Variants in TMEM154 observed in about 807,000 individuals in gnomAD.
TMEM154 encodes the protein transmembrane protein 154.
TMEM154 carries 27 observed loss-of-function variants against 24.5 expected under a neutral mutation model. That is an observed-to-expected ratio of 1.10 (90% CI 0.81 to 1.52). The LOEUF is 1.52. Ranked by LOEUF, TMEM154 falls within the 40% of genes most tolerant of loss-of-function variation. TMEM154 has a pLI of 0.00. For synonymous variants in TMEM154, 67 were observed against 76.8 expected (o/e 0.87, Z 0.67); for missense variants, 228 against 213.4 (o/e 1.07, Z -0.43).
chr4:152,669,178 T>G (rs377003297), intron 1 of TMEM154: 43 of 151,648 alleles, frequency 2.8e-4, no homozygotes, highest in African/African-American at 9.8e-4. Context: ...CCTGGTTTTA[T>G]TCTATGTAAT....
At chr4:152,658,258 C>A (rs1163088826) in intron 1 of TMEM154, among the ~76,000 whole-genome samples, 1 of 152,080 alleles carries the variant, frequency 6.6e-6, no homozygotes, top group East Asian at 1.9e-4. Context: ...TGGAAACACA[C>A]CATGCTAAAA....
chr4:152,659,208 G>A (rs1432599689), intron 1 of TMEM154, among the ~76,000 whole-genome samples: 1 of 152,204 alleles, frequency 6.6e-6, no homozygotes, highest in African/African-American at 2.4e-5. Context: ...CATGTCTTAT[G>A]CTGCAACATA....
rs1041154115 is a variant in TMEM154, at chr4:152,620,202, C to T, written c.*8344G>A. On this transcript the variant is annotated 3_prime_UTR_variant, in exon 7 of 7. Transcript: ENST00000304385. ...TGTCTCTAACTTGAGAGTCCCTGGA[C>T]ATGCCTCTCCACTGCAACCTTAAAG... is the stretch of plus-strand genomic sequence containing the variant. The T allele has an allele frequency of 1.3e-5, 2 of 152,214 alleles. No homozygotes were observed. The highest frequency in any genetic ancestry group is 2.9e-5 in the Non-Finnish European group (2 of 68,020). The allele number at this position is 152,214 out of a possible 1,614,324, so 9.4% of individuals were successfully genotyped here.
At chr4:152,670,812 G>A (rs1347171668) in intron 1 of TMEM154, among the ~76,000 whole-genome samples, 1 of 152,118 alleles carries the variant, frequency 6.6e-6, no homozygotes, top group Admixed American at 6.6e-5. Flanking sequence ...CATTCATTGA[G>A]TCAGCCACTA....
At chr4:152,663,659 A>C (rs376649418) in intron 1 of TMEM154, among the ~76,000 whole-genome samples, 2 of 152,232 alleles carry the variant, frequency 1.3e-5, no homozygotes, top group African/African-American at 4.8e-5. Flanking sequence ...TCTCCGTTTC[A>C]CCAGTTCTCT....
chr4:152,650,382 C>A (rs1012916135), intron 3 of TMEM154, among the ~76,000 whole-genome samples: 9 of 150,208 alleles, frequency 6.0e-5, no homozygotes, highest in African/African-American at 2.0e-4. Flanking sequence ...AAAAAAAAAA[C>A]AAAACTCTTT....
chr4:152,653,043 C>T, intron 1 of TMEM154, 116 bp from the exon 2 acceptor site: 3 of 1,098,474 alleles, frequency 2.7e-6, no homozygotes, highest in Non-Finnish European at 3.8e-6. Flanking sequence ...ACCCACTATA[C>T]TTGGCCTCCA....
At chr4:152,676,854 C>A (rs1400125574) in intron 1 of TMEM154, among the ~76,000 whole-genome samples, 1 of 152,156 alleles carries the variant, frequency 6.6e-6, no homozygotes, top group Non-Finnish European at 1.5e-5. Flanking sequence ...TCTGTTTGGC[C>A]ACCAAAACAG....
At chr4:152,662,212 G>T (rs1013371597) in intron 1 of TMEM154, among the ~76,000 whole-genome samples, 1 of 151,920 alleles carries the variant, frequency 6.6e-6, no homozygotes, top group Non-Finnish European at 1.5e-5. Flanking sequence ...GGTGTTAGGT[G>T]CAGGGTAAGA....
rs772573656 is a variant in TMEM154, at chr4:152,652,675, G to T, written c.317C>A (p.Thr106Asn). 2.5e-6 allele frequency: 4 copies of T among 1,613,252 alleles called. No individual in the cohort carries two copies. The highest frequency in any genetic ancestry group is 3.4e-6 in the Non-Finnish European group (4 of 1,179,740). Residue 106 changes from threonine to asparagine, a missense_variant, in exon 2 of 7, where the codon ACT becomes AAT. Thr to Asn is a moderately conservative substitution (Grantham distance 65). Transcript: ENST00000304385. ...FLATYYKRKR[T>N]KQEPSSQGSQ... Reference sequence around the variant, plus strand: ...ATACACCAAATATTTACCTTGTTTAGTTCTTTTTCTTTTATAGTATGTTGC... The same window carrying T: ...ATACACCAAATATTTACCTTGTTTATTTCTTTTTCTTTTATAGTATGTTGC...
rs1340057148 is a variant in TMEM154 at position 152,677,305 on chromosome 4, A to G, written c.64+2565T>C. On this transcript the variant is annotated intron_variant, in intron 1 of 6. Transcript: ENST00000304385. ...GAGGTAACAGTGCTGGTCTCATGCA[A>G]CTGCAGATATTATCTCATGTTGCCT... Among the ~76,000 whole-genome samples the G allele has an allele frequency of 2.8e-4, 42 of 152,200 alleles. 1 individual carries two copies. The highest frequency in any genetic ancestry group is 2.7e-3 in the Admixed American group (42 of 15,278).
At chr4:152,674,124 AT>A (rs1561059656) in intron 1 of TMEM154, among the ~76,000 whole-genome samples, 1 of 152,148 alleles carries the variant, frequency 6.6e-6, no homozygotes, top group Non-Finnish European at 1.5e-5. Context: ...AAGCAAGAAA[AT>A]ACCTAAGGCT....
chr4:152,679,320 GGGCT>G (rs1474604642), intron 1 of TMEM154, among the ~76,000 whole-genome samples: 2 of 150,624 alleles, frequency 1.3e-5, no homozygotes, highest in Non-Finnish European at 3.0e-5. Context: ...ATGTGTTAGA[GGGCT>G]ACCCTCTAAC....
Position 152,626,385 on chromosome 4 carries a change from T to G in TMEM154, c.*2161A>C, listed in dbSNP as rs1751921586. The G allele has an allele frequency of 6.6e-6, 1 of 152,486 alleles. No individual in the cohort carries two copies. Among genetic ancestry groups the G allele is most frequent in the South Asian group, 2.1e-4 (1 of 4,828 alleles). 9.4% of individuals were successfully genotyped at this position (152,486 alleles called of 1,614,324 possible). A position where few individuals can be genotyped will look rare whatever the true frequency, so the allele number is the denominator to read the frequency against. On this transcript the variant is annotated 3_prime_UTR_variant, in exon 7 of 7. Coordinates refer to ENST00000304385, the MANE Select transcript of TMEM154 (RefSeq NM_152680.3). ...ACAATTCTTGAAACTGTCATAAACA[T>G]ATGATATCTATTGATTAAACAGTAA...
intron 6 of TMEM154, among the ~76,000 whole-genome samples, chr4:152,629,495 C>T (rs937866022): frequency 1.3e-5 from 2 of 152,210 alleles, no homozygotes; most frequent in Non-Finnish European, 2.9e-5. Context: ...AAGTACCTGG[C>T]TCCACACCTT....
rs1751940502 is a variant in TMEM154 at position 152,627,497 on chromosome 4, C to A, written c.*1049G>T. 1 of 152,118 alleles carries A rather than the reference C, an allele frequency of 6.6e-6. No homozygotes were observed. Among genetic ancestry groups the A allele is most frequent in the African/African-American group, 2.4e-5 (1 of 41,412 alleles). The allele number at this position is 152,118 out of a possible 1,614,324, so 9.4% of individuals were successfully genotyped here. A position where few individuals can be genotyped will look rare whatever the true frequency, so the allele number is the denominator to read the frequency against. On this transcript the variant is annotated 3_prime_UTR_variant, in exon 7 of 7. Coordinates refer to ENST00000304385, the MANE Select transcript of TMEM154 (RefSeq NM_152680.3). ...TTCCATTTTGTGCCATTGCTTTTAG[C>A]ACAAGGATGTCAAAAATATCACATA...
chr4:152,648,756 A>G (rs1197200123), intron 3 of TMEM154, among the ~76,000 whole-genome samples: 1 of 152,182 alleles, frequency 6.6e-6, no homozygotes, highest in African/African-American at 2.4e-5. Flanking sequence ...TCAATGAAAA[A>G]TCAATTTCTG....
At chr4:152,674,526 G>T (rs1338856119) in intron 1 of TMEM154, among the ~76,000 whole-genome samples, 1 of 152,008 alleles carries the variant, frequency 6.6e-6, no homozygotes, top group Non-Finnish European at 1.5e-5. Flanking sequence ...CTCCACTGCC[G>T]GCTCTGGTCT....
intron 5 of TMEM154, 98 bp downstream of exon 5, chr4:152,642,990 C>T: frequency 1.1e-6 from 1 of 887,066 alleles, no homozygotes. Context: ...TTGGGTTCTT[C>T]TGTCTCACTC....
Sources: gnomAD v4.1 joint callset for allele counts (sites outside exome capture counted in the v4.1 genomes callset) on GRCh38, gnomAD v4.1.1 for gene constraint, MANE v1.5 for transcripts, NCBI Gene and HGNC (gene_info 2026-07-23, HGNC 2026-07-21) for gene names.